The following IRAK3 variants were observed in gnomAD, a reference collection of about 807,000 sequenced individuals.
IRAK3 encodes the protein interleukin 1 receptor associated kinase 3, also known as interleukin-1 receptor-associated kinase 3.
Under a neutral mutation model 56.6 loss-of-function variants are expected in IRAK3, and 57 were observed. The ratio of observed to expected loss-of-function variants is 1.01; its 90% CI spans 0.81 to 1.26. The LOEUF is 1.26. Among genes scored for constraint, IRAK3 ranks in the 50% most tolerant of loss-of-function variants. IRAK3 has a pLI of 0.00. For missense variants in IRAK3, 703 were observed against 719.0 expected (o/e 0.98, Z 0.25); for synonymous variants, 258 against 255.7 (o/e 1.01, Z -0.09).
chr12:66,217,209 T>G lies in IRAK3; in HGVS notation c.627T>G (p.Phe209Leu). 6.2e-7 allele frequency: 1 copy of G among 1,611,922 alleles called. No homozygotes were observed. Among genetic ancestry groups the G allele is most frequent in the Non-Finnish European group, 8.5e-7 (1 of 1,178,070 alleles). ...KMQCKKHWKR[F>L]LSELEVLLLF... ...AGTGTAAGAAGCATTGGAAGAGGTTTTTATCTGAGCTTGAAGTTTTACTAC... is the reference window on the plus strand; with the variant it reads ...AGTGTAAGAAGCATTGGAAGAGGTTGTTATCTGAGCTTGAAGTTTTACTAC... Residue 209 changes from phenylalanine to leucine, a missense_variant, in exon 6 of 12, where the codon TTT becomes TTG. Physicochemically the swap from Phe to Leu is conservative, Grantham distance 22. Transcript: ENST00000261233.
At chr12:66,195,119 C>T (rs536303219) in intron 1 of IRAK3, among the ~76,000 whole-genome samples, 1 of 152,218 alleles carries the variant, frequency 6.6e-6, no homozygotes, top group Non-Finnish European at 1.5e-5. Flanking sequence ...AATGGCAGTT[C>T]CATTCTTCAT....
At chr12:66,222,942 A>T (rs1374574586) in intron 6 of IRAK3, among the ~76,000 whole-genome samples, 1 of 152,052 alleles carries the variant, frequency 6.6e-6, no homozygotes, top group African/African-American at 2.4e-5. Flanking sequence ...AAAGAGAGTC[A>T]GCGAAGGGAG....
At position 66,248,055 on chromosome 12, in the gene IRAK3, G is replaced by A; in HGVS notation, c.1675G>A (p.Val559Ile). ...VPSQDLRPYK[V>I]NIDPSSEAPG... is the part of the protein sequence containing the mutation. ...ATCCCAGGACTTAAGGCCCTATAAGGTAAATATAGATCCTTCTTCAGAAGC... is the reference window on the plus strand; with the variant it reads ...ATCCCAGGACTTAAGGCCCTATAAGATAAATATAGATCCTTCTTCAGAAGC... The change falls in exon 12 of 12, where the codon GTA becomes ATA. Residue 559 changes from valine (V) to isoleucine (I), a missense_variant. Physicochemically the swap from Val to Ile is conservative, Grantham distance 29. Coordinates refer to ENST00000261233, the MANE Select transcript of IRAK3 (RefSeq NM_007199.3). The A allele has an allele frequency of 6.3e-7, 1 of 1,587,870 alleles. No individual in the cohort carries two copies. Among genetic ancestry groups the A allele is most frequent in the Non-Finnish European group, 8.5e-7 (1 of 1,170,064 alleles).
chr12:66,231,147 C>T (rs1167943281), intron 8 of IRAK3, among the ~76,000 whole-genome samples: 2 of 152,128 alleles, frequency 1.3e-5, no homozygotes, highest in Non-Finnish European at 2.9e-5. Context: ...TTACCTCTAT[C>T]GTCAATTTAT....
rs182549379 is a variant in IRAK3, at chr12:66,225,943, A to G, written c.654-780A>G. Among the ~76,000 whole-genome samples, 368 of 152,338 alleles carry G rather than the reference A, an allele frequency of 2.4e-3. 6 individuals carry two copies. Among genetic ancestry groups the G allele is most frequent in the African/African-American group, 8.7e-3 (362 of 41,580 alleles). ...GTACCTGACATAGTAGTGCTCAATAAGTGGATGAATGAAAATGGTCTTTAT... is the reference window on the plus strand; with the variant it reads ...GTACCTGACATAGTAGTGCTCAATAGGTGGATGAATGAAAATGGTCTTTAT... On this transcript the variant is annotated intron_variant, in intron 6 of 11. Transcript: ENST00000261233.
At chr12:66,191,806 T>A (rs1438470970) in intron 1 of IRAK3, among the ~76,000 whole-genome samples, 1 of 152,142 alleles carries the variant, frequency 6.6e-6, no homozygotes, top group African/African-American at 2.4e-5. Flanking sequence ...AAAGAGGCAG[T>A]CCTTTGTATG....
At chr12:66,227,822 A>C (rs948583858) in intron 7 of IRAK3, among the ~76,000 whole-genome samples, 4 of 151,960 alleles carry the variant, frequency 2.6e-5, no homozygotes, top group Non-Finnish European at 4.4e-5. Flanking sequence ...AGGTTGAATA[A>C]ATGTCATGAT....
intron 1 of IRAK3, 22 bp downstream of exon 1, chr12:66,189,454 G>C: frequency 8.4e-7 from 1 of 1,187,888 alleles, no homozygotes; most frequent in Non-Finnish European, 1.0e-6. Flanking sequence ...GGGACCGGCC[G>C]GGGGCGGCGG....
chr12:66,244,309 G>A (rs1288794474), intron 8 of IRAK3, among the ~76,000 whole-genome samples, 177 bp from the exon 9 acceptor site: 1 of 152,168 alleles, frequency 6.6e-6, no homozygotes, highest in Non-Finnish European at 1.5e-5. Context: ...ATAACACTTG[G>A]ATTTGTACAT....
intron 6 of IRAK3, among the ~76,000 whole-genome samples, chr12:66,223,783 A>C (rs1312539672): frequency 6.7e-6 from 1 of 148,760 alleles, no homozygotes; most frequent in African/African-American, 2.5e-5. Context: ...ATGTCATCTC[A>C]GCTCACTGCA....
At chr12:66,189,489 C>A in intron 1 of IRAK3, 57 bp downstream of exon 1, 1 of 1,081,988 alleles carries the variant, frequency 9.2e-7, no homozygotes, top group Non-Finnish European at 1.1e-6. Context: ...CCGCGGGGCC[C>A]GCTCGGCGTC....
Position 66,215,786 on chromosome 12 carries a change from G to GCACACACA in IRAK3, c.589-1349_589-1342dup, listed in dbSNP as rs71096080. 2.3e-3 allele frequency among the ~76,000 whole-genome samples: 285 copies of GCACACACA among 122,878 alleles called. 3 individuals are homozygous for GCACACACA. The highest frequency in any genetic ancestry group is 0.011 in the East Asian group (50 of 4,400). The allele number at this position is 122,878 out of a possible 152,430, so 80.6% of individuals were successfully genotyped here. A position where few individuals can be genotyped will look rare whatever the true frequency, so the allele number is the denominator to read the frequency against. ...TCCGCCCCCTATTTTAACCCAACAT[G>GCACACACA]CACACACACACACACACACACACAC... On this transcript the variant is annotated intron_variant, in intron 5 of 11. Transcript: ENST00000261233.
intron 6 of IRAK3, among the ~76,000 whole-genome samples, chr12:66,220,924 A>C (rs2052726754): frequency 6.6e-6 from 1 of 152,166 alleles, no homozygotes; most frequent in Admixed American, 6.5e-5. Flanking sequence ...TGGAATTTTG[A>C]TAGAAATGTG....
intron 6 of IRAK3, among the ~76,000 whole-genome samples, chr12:66,220,041 T>G (rs935824673): frequency 6.6e-6 from 1 of 152,230 alleles, no homozygotes; most frequent in Non-Finnish European, 1.5e-5. Context: ...GTGCAGAAGC[T>G]TTTTAGTTTG....
At chr12:66,228,682 TA>T (rs10716217) in intron 8 of IRAK3, among the ~76,000 whole-genome samples, 83,468 of 152,012 alleles carry the variant, frequency 0.55, 24,789 homozygotes, top group South Asian at 0.65. Flanking sequence ...TGATTTTTTT[TA>T]CTTTACAATG....
Position 66,244,636 on chromosome 12 carries a change from C to T in IRAK3, c.1038C>T (p.Ile346=). ...KHLWYMPEEY[I]RQGKLSIKTD... ...TGTGGTACATGCCAGAAGAGTACAT[C>T]AGACAGGGGAAACTTTCCATTAAAA... Residue 346 remains isoleucine (I), a synonymous_variant, in exon 9 of 12, where the codon ATC becomes ATT. Transcript: ENST00000261233. 6.2e-7 allele frequency: 1 copy of T among 1,614,060 alleles called. No individual in the cohort carries two copies. Among genetic ancestry groups the T allele is most frequent in the Non-Finnish European group, 8.5e-7 (1 of 1,179,958 alleles).
At chr12:66,219,427 G>A (rs58265032) in intron 6 of IRAK3, among the ~76,000 whole-genome samples, 10,723 of 152,256 alleles carry the variant, frequency 0.07, 1,039 homozygotes, top group African/African-American at 0.22. Flanking sequence ...TTTGTCTGCC[G>A]CCATGTGAGA....
chr12:66,244,695 A>T lies in IRAK3; in HGVS notation c.1086+11A>T, dbSNP rs1565812732. 8.7e-6 allele frequency: 14 copies of T among 1,602,306 alleles called. No individual in the cohort carries two copies. Among genetic ancestry groups the T allele is most frequent in the Non-Finnish European group, 1.2e-5 (14 of 1,169,276 alleles). On this transcript the variant is annotated intron_variant, in intron 9 of 11. Coordinates refer to ENST00000261233, the MANE Select transcript of IRAK3 (RefSeq NM_007199.3). Reference sequence around the variant, plus strand: ...TACAGCTTTGGAATTGTGAGTACCAACTGCCAGTTAACAAAGGAGAGTTTA... The same window carrying T: ...TACAGCTTTGGAATTGTGAGTACCATCTGCCAGTTAACAAAGGAGAGTTTA...
In IRAK3 at chr12:66,203,274, A is replaced by G. The variant is rs527501535; in HGVS notation, c.134-437A>G. Among the ~76,000 whole-genome samples, 164 of 152,308 alleles carry G rather than the reference A, an allele frequency of 1.1e-3. 1 individual carries two copies. Among genetic ancestry groups the G allele is most frequent in the African/African-American group, 3.7e-3 (154 of 41,570 alleles). On this transcript the variant is annotated intron_variant, in intron 1 of 11. Coordinates refer to ENST00000261233, the MANE Select transcript of IRAK3 (RefSeq NM_007199.3). Reference sequence around the variant, plus strand: ...CTGAATGATAAAAATAAACATTATTATTGATAAGACATTGCTATCTTAAAC... The same window carrying G: ...CTGAATGATAAAAATAAACATTATTGTTGATAAGACATTGCTATCTTAAAC...
Sources: allele counts gnomAD v4.1 joint callset (sites outside exome capture counted in the v4.1 genomes callset), GRCh38; gene constraint gnomAD v4.1.1; transcripts MANE v1.5; gene names NCBI Gene and HGNC (gene_info 2026-07-23, HGNC 2026-07-21).